The following MYRFL variants were observed in gnomAD, a reference collection of about 807,000 sequenced individuals.
MYRFL encodes myelin regulatory factor-like protein.
MYRFL carries 88 observed loss-of-function variants against 109.4 expected under a neutral mutation model. That is an observed-to-expected ratio of 0.80 (90% confidence interval 0.68 to 0.96). The LOEUF (loss-of-function observed/expected upper bound fraction) is 0.96, where lower values mean the gene tolerates loss of function less well. MYRFL is among the 40% of genes least tolerant of loss of function. The pLI, the probability that MYRFL is intolerant of heterozygous loss-of-function variation, is 0.00. For synonymous variants in MYRFL, 324 were observed against 320.9 expected (o/e 1.01, Z -0.10); for missense variants, 957 against 954.9 (o/e 1.00, Z -0.03).
chr12:69,918,631 CA>C (rs1312249073), intron 13 of MYRFL, among the ~76,000 whole-genome samples: 1 of 152,172 alleles, frequency 6.6e-6, no homozygotes, highest in Non-Finnish European at 1.5e-5. Context: ...CTGACATTAT[CA>C]GACTTTCTAA....
chr12:69,925,400 C>T (rs935438405), intron 13 of MYRFL, among the ~76,000 whole-genome samples: 5 of 152,148 alleles, frequency 3.3e-5, no homozygotes, highest in East Asian at 1.9e-4. Context: ...CTACAGTGTT[C>T]GAAACCCTCA....
rs1418226731 is a variant in MYRFL, at chr12:69,936,064, A to G, written c.1917-49A>G. ...ATGTGTGAGATATATCTGGAAACAA[A>G]TCTGCCACATAATGTTTTTTTTTTT... On this transcript the variant is annotated intron_variant, in intron 16 of 24. Transcript: ENST00000552032. 5.3e-6 allele frequency: 8 copies of G among 1,498,562 alleles called. 1 individual carries two copies. The highest frequency in any genetic ancestry group is 1.5e-5 in the African/African-American group (1 of 68,834). 92.8% of individuals were successfully genotyped at this position (1,498,562 alleles called of 1,614,324 possible).
chr12:69,827,405 G>A (rs1811078932), intron 1 of MYRFL, among the ~76,000 whole-genome samples: 1 of 151,738 alleles, frequency 6.6e-6, no homozygotes. Flanking sequence ...AAATGACAAG[G>A]GTGGTTGTTC....
intron 11 of MYRFL, among the ~76,000 whole-genome samples, chr12:69,906,621 C>T (rs1954372361): frequency 6.6e-6 from 1 of 152,176 alleles, no homozygotes; most frequent in Non-Finnish European, 1.5e-5. Context: ...TTCTCCTAAC[C>T]ACAATACCCG....
At chr12:69,952,685 T>C (rs977255787) in intron 20 of MYRFL, 114 bp from the exon 21 acceptor site, 12 of 723,702 alleles carry the variant, frequency 1.7e-5, no homozygotes, top group Non-Finnish European at 2.4e-5. Context: ...TGGAATCTCT[T>C]GACCTGGGAA....
At chr12:69,882,392 G>A (rs866384514) in intron 5 of MYRFL, among the ~76,000 whole-genome samples, 6 of 152,170 alleles carry the variant, frequency 3.9e-5, no homozygotes, top group Non-Finnish European at 7.3e-5. Flanking sequence ...TATTTTTAGC[G>A]AAAGTTTTCT....
intron 16 of MYRFL, among the ~76,000 whole-genome samples, chr12:69,932,883 T>TGTGTGTGTTTG (rs1555257501): frequency 7.6e-5 from 4 of 52,610 alleles, no homozygotes; most frequent in Admixed American, 4.2e-4. Flanking sequence ...GTGTGTGTGT[T>TGTGTGTGTTTG]TGTGTGTGTG....
At chr12:69,840,103 G>A (rs1883160697) in intron 1 of MYRFL, among the ~76,000 whole-genome samples, 2 of 152,174 alleles carry the variant, frequency 1.3e-5, no homozygotes, top group Non-Finnish European at 2.9e-5. Context: ...ATGCAAACAT[G>A]TATGCTTAAC....
intron 19 of MYRFL, among the ~76,000 whole-genome samples, chr12:69,936,947 G>T (rs898156): frequency 0.16 from 24,661 of 151,926 alleles, 2,547 homozygotes; most frequent in East Asian, 0.48. Context: ...TGGATTTTTT[G>T]GGCTCATTTA....
chr12:69,906,424 A>T (rs1954362201), intron 11 of MYRFL, among the ~76,000 whole-genome samples: 1 of 152,192 alleles, frequency 6.6e-6, no homozygotes, highest in Non-Finnish European at 1.5e-5. Flanking sequence ...CTAGGGGGGA[A>T]GGACACGCTG....
In MYRFL at chr12:69,891,212, T is replaced by A. The variant is rs143328765; in HGVS notation, c.903+46T>A. ...AGTTTATATCAGTCAACATTTATTT[T>A]GTTTCAGTTGTCTATTGCTGCATGA... On this transcript the variant is annotated intron_variant, in intron 7 of 24. Transcript: ENST00000552032. 495 of 1,326,424 alleles carry A rather than the reference T, an allele frequency of 3.7e-4. 3 individuals carry two copies. In the East Asian group the frequency reaches 7.6e-3, roughly 20 times the overall value. 82.2% of individuals were successfully genotyped at this position (1,326,424 alleles called of 1,614,324 possible).
At chr12:69,944,826 A>G (rs1331833824) in intron 19 of MYRFL, among the ~76,000 whole-genome samples, 1 of 152,212 alleles carries the variant, frequency 6.6e-6, no homozygotes, top group South Asian at 2.1e-4. Context: ...GTGTATACCT[A>G]TGTAACACAC....
chr12:69,902,217 C>T (rs1954219135), intron 10 of MYRFL, among the ~76,000 whole-genome samples: 1 of 152,114 alleles, frequency 6.6e-6, no homozygotes, highest in African/African-American at 2.4e-5. Flanking sequence ...TTCTGTTTAT[C>T]AAGTATCAAT....
chr12:69,897,745 C>G (rs1014845244), intron 10 of MYRFL, among the ~76,000 whole-genome samples: 2 of 152,172 alleles, frequency 1.3e-5, no homozygotes, highest in African/African-American at 2.4e-5. Context: ...AATGATGGAG[C>G]CTGGATCTCT....
At chr12:69,873,376 T>C (rs1444509694) in intron 2 of MYRFL, among the ~76,000 whole-genome samples, 3 of 152,226 alleles carry the variant, frequency 2.0e-5, no homozygotes, top group African/African-American at 7.2e-5. Context: ...CAGTAGATTC[T>C]AGCAATCTCA....
chr12:69,862,389 T>C (rs1454702192), intron 2 of MYRFL, among the ~76,000 whole-genome samples: 2 of 152,326 alleles, frequency 1.3e-5, no homozygotes, highest in Non-Finnish European at 2.9e-5. Context: ...GAGCATGAAA[T>C]GTTCTTCCAT....
At chr12:69,931,597 A>T (rs928636278) in intron 15 of MYRFL, among the ~76,000 whole-genome samples, 3 of 152,238 alleles carry the variant, frequency 2.0e-5, no homozygotes, top group Non-Finnish European at 4.4e-5. Context: ...AACCAATTTA[A>T]AACTATTACT....
At chr12:69,879,505 C>A (rs1885925163) in intron 4 of MYRFL, 52 bp downstream of exon 4, 4 of 662,730 alleles carry the variant, frequency 6.0e-6, no homozygotes, top group African/African-American at 1.8e-5. Context: ...AGCCTCGGAG[C>A]AGCCTGCCTC....
chr12:69,825,264 T>C lies in MYRFL; in HGVS notation c.-254T>C. On this transcript the variant is annotated 5_prime_UTR_variant, in exon 1 of 25. Transcript: ENST00000552032. The stretch of plus-strand genomic sequence containing the variant: ...GTTCCTTATATTAAGACAGATGAAT[T>C]TGCTACCTCTTCCCTCTTCATGAAT... The C allele has an allele frequency of 1.5e-6, 1 of 653,084 alleles. No individual in the cohort carries two copies. The highest frequency in any genetic ancestry group is 2.8e-5 in the East Asian group (1 of 35,294). 40.5% of individuals were successfully genotyped at this position (653,084 alleles called of 1,614,324 possible). A position where few individuals can be genotyped will look rare whatever the true frequency, so the allele number is the denominator to read the frequency against.
Sources: gnomAD v4.1 joint callset for allele counts (sites outside exome capture counted in the v4.1 genomes callset) on GRCh38, gnomAD v4.1.1 for gene constraint, MANE v1.5 for transcripts, NCBI Gene and HGNC (gene_info 2026-07-23, HGNC 2026-07-21) for gene names.